Variants in TLE5 observed in about 807,000 individuals in gnomAD.
TLE5 encodes TLE family member 5, transcriptional modulator.
In TLE5, 7 loss-of-function variants were observed where a neutral mutation model predicts 25.8. The observed-to-expected ratio is 0.27, with a 90% CI of 0.15 to 0.51. The LOEUF (loss-of-function observed/expected upper bound fraction) is 0.51. Among genes scored for constraint, TLE5 ranks in the 20% least tolerant of loss-of-function variants. The pLI is 0.97. For missense variants in TLE5, 149 were observed against 250.7 expected (o/e 0.59, Z 2.74); for synonymous variants, 132 against 110.5 (o/e 1.20, Z -1.22).
chr19:3,058,630 G>A (rs1391229489), intron 2 of TLE5, among the ~76,000 whole-genome samples: 2 of 152,160 alleles, frequency 1.3e-5, no homozygotes, highest in South Asian at 2.1e-4. Context: ...TGGCCAGTCC[G>A]GGTGGCTGAC....
chr19:3,055,673 G>A lies in TLE5; in HGVS notation c.288C>T (p.Leu96=), dbSNP rs763100472. The A allele has an allele frequency of 2.5e-6, 4 of 1,603,848 alleles. No individual in the cohort carries two copies. Among genetic ancestry groups the A allele is most frequent in the Non-Finnish European group, 3.4e-6 (4 of 1,175,380 alleles). Residue 96 remains leucine, a synonymous_variant, in exon 5 of 7, where the codon CTC becomes CTT. Coordinates refer to ENST00000327141, the MANE Select transcript of TLE5 (RefSeq NM_001130.6). ...NGICAQVLPY[L]SQEHQQQVLG... ...AGGCCCTGGCTCTTACCTCTTGGGA[G>A]AGGTAGGGCAGGACCTGGGCACAAA...
chr19:3,057,606 CCCGT>C, intron 3 of TLE5, 69 bp downstream of exon 3: 1 of 1,442,728 alleles, frequency 6.9e-7, no homozygotes, highest in Non-Finnish European at 9.7e-7. Context: ...GGAGCAGCTG[CCCGT>C]GGTGGAGGGG....
In TLE5 at chr19:3,053,348, G is replaced by A; in HGVS notation, c.*471C>T. On this transcript the variant is annotated 3_prime_UTR_variant, in exon 7 of 7. Transcript: ENST00000327141. ...GTGAGTGGGGCAGGTGGAGGTGGGA[G>A]CATACCTGGGACCCGGGGTCGGGGG... is the stretch of plus-strand genomic sequence containing the variant. 5.9e-6 allele frequency: 1 copy of A among 168,542 alleles called. No homozygotes were observed. Among genetic ancestry groups the A allele is most frequent in the Admixed American group, 5.6e-5 (1 of 17,744 alleles). The allele number at this position is 168,542 out of a possible 1,614,324, so 10.4% of individuals were successfully genotyped here.
chr19:3,053,770 T>C lies in TLE5; in HGVS notation c.*49A>G, dbSNP rs1242479336. On this transcript the variant is annotated 3_prime_UTR_variant, in exon 7 of 7. Coordinates refer to ENST00000327141, the MANE Select transcript of TLE5 (RefSeq NM_001130.6). ...CTAAACATTCCTTTCTCTCCGTGCCTCTGTCTCCCCTCTGTCCCCCCTCCC... is the reference window on the plus strand; with the variant it reads ...CTAAACATTCCTTTCTCTCCGTGCCCCTGTCTCCCCTCTGTCCCCCCTCCC... 1.3e-6 allele frequency: 2 copies of C among 1,571,014 alleles called. No homozygotes were observed. Among genetic ancestry groups the C allele is most frequent in the South Asian group, 2.2e-5 (2 of 88,968 alleles).
upstream of TLE5, chr19:3,062,900 C>T (rs371133224): frequency 1.7e-6 from 2 of 1,210,852 alleles, no homozygotes; most frequent in Admixed American, 4.0e-5. Context: ...ATGCCGCCTT[C>T]CTGAGGGAAG....
chr19:3,062,248 G>A lies in TLE5; in HGVS notation c.-48C>T. On this transcript the variant is annotated 5_prime_UTR_variant, in exon 1 of 7. Transcript: ENST00000327141. ...GGCTGCGCCCCGGCTGTGCGCCCCGGCTCGGGCTGCTGGGGGCGCCGGGCG... is the reference window on the plus strand; with the variant it reads ...GGCTGCGCCCCGGCTGTGCGCCCCGACTCGGGCTGCTGGGGGCGCCGGGCG... 3 of 1,076,882 alleles carry A rather than the reference G, an allele frequency of 2.8e-6. No homozygotes were observed. Among genetic ancestry groups the A allele is most frequent in the South Asian group, 4.4e-5 (1 of 22,928 alleles). The allele number at this position is 1,076,882 out of a possible 1,614,324, so 66.7% of individuals were successfully genotyped here.
chr19:3,060,551 C>T (rs901857089), intron 2 of TLE5, among the ~76,000 whole-genome samples: 17 of 152,038 alleles, frequency 1.1e-4, no homozygotes, highest in Admixed American at 6.5e-4. Context: ...AGGCTGGTCT[C>T]GAACTCCTGA....
intron 2 of TLE5, chr19:3,060,888 G>T (rs1452932348): frequency 3.2e-5 from 8 of 253,332 alleles, no homozygotes; most frequent in East Asian, 7.9e-5. Flanking sequence ...TTATCCAATG[G>T]GGGACTTGGG....
At chr19:3,061,968 G>C (rs1247151389) in intron 1 of TLE5, among the ~76,000 whole-genome samples, 1 of 131,486 alleles carries the variant, frequency 7.6e-6, no homozygotes, top group Non-Finnish European at 1.7e-5. Context: ...ACTGGAGGGG[G>C]GGTGTCCGGG....
At chr19:3,058,346 C>G (rs1424591849) in intron 2 of TLE5, among the ~76,000 whole-genome samples, 2 of 152,072 alleles carry the variant, frequency 1.3e-5, no homozygotes, top group African/African-American at 4.8e-5. Context: ...CAGTGGACAC[C>G]CAGAGAGGGT....
upstream of TLE5, chr19:3,062,588 G>A (rs2090281946): frequency 4.2e-6 from 4 of 962,958 alleles, no homozygotes; most frequent in Non-Finnish European, 5.0e-6. Flanking sequence ...GCGCGCCCGG[G>A]GAGGCCTGCG....
intron 2 of TLE5, among the ~76,000 whole-genome samples, chr19:3,060,629 G>A (rs1037865001): frequency 3.3e-5 from 5 of 152,086 alleles, no homozygotes; most frequent in African/African-American, 9.7e-5. Flanking sequence ...ACCACGCCTG[G>A]CCTGGGCTTA....
At chr19:3,061,540 C>T in intron 1 of TLE5, 1 of 246,752 alleles carries the variant, frequency 4.1e-6, no homozygotes, top group Non-Finnish European at 7.8e-6. Flanking sequence ...GCAGGGTGCG[C>T]CCTCTACCGC....
In TLE5 at chr19:3,053,575, A is replaced by G. The variant is rs2090191568; in HGVS notation, c.*244T>C. ...CCCTCCAGGCCTTAGCTTGCCTCAC[A>G]TGTCAGGGCAGGTATCCACCTAACC... On this transcript the variant is annotated 3_prime_UTR_variant, in exon 7 of 7. Transcript: ENST00000327141. 1 of 573,720 alleles carries G rather than the reference A, an allele frequency of 1.7e-6. No homozygotes were observed. Among genetic ancestry groups the G allele is most frequent in the East Asian group, 2.9e-5 (1 of 34,284 alleles). 35.5% of individuals were successfully genotyped at this position (573,720 alleles called of 1,614,324 possible). A position where few individuals can be genotyped will look rare whatever the true frequency, so the allele number is the denominator to read the frequency against.
chr19:3,061,306 C>A (rs538589839), intron 1 of TLE5, 49 bp from the exon 2 acceptor site: 4 of 1,453,632 alleles, frequency 2.8e-6, no homozygotes, highest in Admixed American at 1.7e-5. Context: ...GGCTGGACCC[C>A]CCTCAAGGGC....
At chr19:3,062,129 G>T in intron 1 of TLE5, 45 bp downstream of exon 1, 3 of 919,886 alleles carry the variant, frequency 3.3e-6, no homozygotes, top group Non-Finnish European at 3.9e-6. Flanking sequence ...GGGGCGTAGG[G>T]CCCGGATCCG....
rs2090193660 is a variant in TLE5, at chr19:3,053,787, C to T, written c.*32G>A. 2 of 1,600,086 alleles carry T rather than the reference C, an allele frequency of 1.2e-6. No homozygotes were observed. The highest frequency in any genetic ancestry group is 1.3e-5 in the African/African-American group (1 of 74,668). On this transcript the variant is annotated 3_prime_UTR_variant, in exon 7 of 7. Transcript: ENST00000327141. Reference sequence around the variant, plus strand: ...TCCGTGCCTCTGTCTCCCCTCTGTCCCCCCTCCCAACCTCCCTGTCCCGGC... The same window carrying T: ...TCCGTGCCTCTGTCTCCCCTCTGTCTCCCCTCCCAACCTCCCTGTCCCGGC...
chr19:3,055,626 G>A (rs2145256474), intron 5 of TLE5, 38 bp downstream of exon 5: 1 of 1,555,876 alleles, frequency 6.4e-7, no homozygotes, highest in Non-Finnish European at 8.7e-7. Context: ...CAAGTGCGGG[G>A]CCCCCTCACA....
chr19:3,055,552 G>A lies in TLE5; in HGVS notation c.297+112C>T, dbSNP rs1387437507. The A allele has an allele frequency of 9.0e-6, 8 of 893,312 alleles. No homozygotes were observed. In the East Asian group the frequency reaches 2.2e-4, roughly 25 times the overall value. 55.3% of individuals were successfully genotyped at this position (893,312 alleles called of 1,614,324 possible). A position where few individuals can be genotyped will look rare whatever the true frequency, so the allele number is the denominator to read the frequency against. On this transcript the variant is annotated intron_variant, in intron 5 of 6. Coordinates refer to ENST00000327141, the MANE Select transcript of TLE5 (RefSeq NM_001130.6). ...TCAGAGCCAGGGAGGTCCAGAGAGG[G>A]GAGGCGTGTGCCCTGGGGCGCCCAG...
Sources: allele counts gnomAD v4.1 joint callset (sites outside exome capture counted in the v4.1 genomes callset), GRCh38; gene constraint gnomAD v4.1.1; transcripts MANE v1.5; gene names NCBI Gene and HGNC (gene_info 2026-07-23, HGNC 2026-07-21).